The following BNC2 variants were observed in gnomAD, a reference collection of about 807,000 sequenced individuals.
BNC2 encodes the protein basonuclin zinc finger protein 2, also known as zinc finger protein basonuclin-2.
Under a neutral mutation model 76.3 loss-of-function variants are expected in BNC2, and 20 were observed. That is an observed-to-expected ratio of 0.26 (90% CI 0.18 to 0.38). The LOEUF (loss-of-function observed/expected upper bound fraction) is 0.38. Ranked by LOEUF, BNC2 falls within the 10% of genes least tolerant of loss-of-function variation. The pLI is 1.00. For synonymous variants in BNC2, 582 were observed against 514.8 expected (o/e 1.13, Z -1.77); for missense variants, 1,382 against 1,399.8 (o/e 0.99, Z 0.20).
At chr9:16,622,008 T>C (rs1413143796) in intron 3 of BNC2, among the ~76,000 whole-genome samples, 1 of 152,152 alleles carries the variant, frequency 6.6e-6, no homozygotes, top group Non-Finnish European at 1.5e-5. Flanking sequence ...ATTATTTCTA[T>C]TGCACAGTAC....
chr9:16,806,659 G>A (rs1192262957), intron 1 of BNC2, among the ~76,000 whole-genome samples: 2 of 152,184 alleles, frequency 1.3e-5, no homozygotes, highest in African/African-American at 4.8e-5. Context: ...TAACATCTCT[G>A]CTTAAGTAAC....
At chr9:16,735,059 C>A (rs1824624283) in intron 2 of BNC2, among the ~76,000 whole-genome samples, 1 of 152,058 alleles carries the variant, frequency 6.6e-6, no homozygotes, top group Non-Finnish European at 1.5e-5. Flanking sequence ...TATCCAAAAG[C>A]CATAATCCCT....
At chr9:16,836,793 TCAAAA>T (rs1818718009) in intron 1 of BNC2, among the ~76,000 whole-genome samples, 1 of 151,524 alleles carries the variant, frequency 6.6e-6, no homozygotes, top group African/African-American at 2.4e-5. Context: ...AGAACCAACC[TCAAAA>T]AAATAAAAAA....
At chr9:16,581,865 A>AT (rs1159538531) in intron 4 of BNC2, among the ~76,000 whole-genome samples, 21 of 152,146 alleles carry the variant, frequency 1.4e-4, no homozygotes, top group Admixed American at 1.2e-3. Flanking sequence ...GGACTGCAGG[A>AT]TTGTGGCTGC....
At chr9:16,499,839 A>T (rs1279417009) in intron 5 of BNC2, among the ~76,000 whole-genome samples, 1 of 151,884 alleles carries the variant, frequency 6.6e-6, no homozygotes, top group South Asian at 2.1e-4. Context: ...CCCTCCCTAA[A>T]TATCTTAAAT....
At chr9:16,678,648 C>CTTTTT (rs79994792) in intron 3 of BNC2, among the ~76,000 whole-genome samples, 5 of 135,158 alleles carry the variant, frequency 3.7e-5, no homozygotes, top group African/African-American at 1.4e-4. Flanking sequence ...GTAACAGTCT[C>CTTTTT]TTTTTTTTTT....
At chr9:16,691,648 T>C (rs1412828001) in intron 3 of BNC2, among the ~76,000 whole-genome samples, 1 of 151,524 alleles carries the variant, frequency 6.6e-6, no homozygotes, top group Non-Finnish European at 1.5e-5. Flanking sequence ...TAGCTGGGAC[T>C]ACAAGCACCC....
chr9:16,751,969 C>T (rs1825228477), intron 1 of BNC2, among the ~76,000 whole-genome samples: 1 of 151,994 alleles, frequency 6.6e-6, no homozygotes, highest in African/African-American at 2.4e-5. Flanking sequence ...GCAGAGGTTG[C>T]AGTGAGCCCA....
Position 16,417,108 on chromosome 9 carries a change from CTTGT to C in BNC2, c.*1877_*1880del, listed in dbSNP as rs935568259. ...TTGTGTACTGTTTGACAAAATATTC[CTTGT>C]TTATCTCTTCTTTTCCCCTCCACTT... is the stretch of plus-strand genomic sequence containing the variant. On this transcript the variant is annotated 3_prime_UTR_variant, in exon 7 of 7. Coordinates refer to ENST00000380672, the MANE Select transcript of BNC2 (RefSeq NM_017637.6). The C allele has an allele frequency of 1.8e-4, 27 of 151,952 alleles. No homozygotes were observed. Among genetic ancestry groups the C allele is most frequent in the Admixed American group, 1.2e-3 (18 of 15,228 alleles). 9.4% of individuals were successfully genotyped at this position (151,952 alleles called of 1,614,324 possible). A position where few individuals can be genotyped will look rare whatever the true frequency, so the allele number is the denominator to read the frequency against.
At chr9:16,481,992 T>C (rs938818810) in intron 5 of BNC2, among the ~76,000 whole-genome samples, 5 of 152,210 alleles carry the variant, frequency 3.3e-5, no homozygotes, top group African/African-American at 9.6e-5. Flanking sequence ...CTCCAAAGTA[T>C]GTGTAATAAA....
intron 3 of BNC2, among the ~76,000 whole-genome samples, chr9:16,692,539 A>G (rs1244764163): frequency 1.3e-5 from 2 of 152,162 alleles, no homozygotes; most frequent in Non-Finnish European, 2.9e-5. Context: ...GGTACACAGT[A>G]TATCTGTAAA....
chr9:16,851,689 A>C (rs1346437053), intron 1 of BNC2, among the ~76,000 whole-genome samples: 1 of 152,182 alleles, frequency 6.6e-6, no homozygotes, highest in Non-Finnish European at 1.5e-5. Context: ...TTAAAAACTT[A>C]AGTCACAGAT....
At chr9:16,664,349 T>G (rs945284166) in intron 3 of BNC2, among the ~76,000 whole-genome samples, 4 of 152,188 alleles carry the variant, frequency 2.6e-5, no homozygotes, top group African/African-American at 9.7e-5. Context: ...TTGCCCAGAA[T>G]GTCTGACTCT....
In BNC2 at chr9:16,703,111, C is replaced by G. The variant is rs1012362514; in HGVS notation, c.330+24686G>C. The stretch of plus-strand genomic sequence containing the variant: ...ACTGGAGTAATTCCACTCTTCCCCT[C>G]TTGGATTATGAAAGGAAACTTTTAA... On this transcript the variant is annotated intron_variant, in intron 3 of 6. Coordinates refer to ENST00000380672, the MANE Select transcript of BNC2 (RefSeq NM_017637.6). Among the ~76,000 whole-genome samples the G allele has an allele frequency of 3.9e-5, 6 of 152,142 alleles. 1 individual carries two copies. Among genetic ancestry groups the G allele is most frequent in the Non-Finnish European group, 7.3e-5 (5 of 68,030 alleles).
In BNC2 at chr9:16,419,382, C is replaced by T; in HGVS notation, c.2907G>A (p.Gln969=). The change falls in exon 7 of 7, where the codon CAG becomes CAA. Residue 969 remains glutamine (Q), a synonymous_variant. Coordinates refer to ENST00000380672, the MANE Select transcript of BNC2 (RefSeq NM_017637.6). Reference sequence around the variant, plus strand: ...TGGAGGAATGGATACTGCTGCTGGACTGGAGGCTGGAGGTGGTGCTCAAGT... The same window carrying T: ...TGGAGGAATGGATACTGCTGCTGGATTGGAGGCTGGAGGTGGTGCTCAAGT... ...VLDLSTTSSL[Q]SSSSIHSSRE... 5 of 1,601,748 alleles carry T rather than the reference C, an allele frequency of 3.1e-6. No homozygotes were observed. Among genetic ancestry groups the T allele is most frequent in the Non-Finnish European group, 4.3e-6 (5 of 1,173,436 alleles).
intron 3 of BNC2, among the ~76,000 whole-genome samples, chr9:16,600,741 C>T (rs921545479): frequency 4.6e-5 from 7 of 151,880 alleles, no homozygotes; most frequent in African/African-American, 1.2e-4. Flanking sequence ...CGGCGGGTGG[C>T]GAGAGTCTTC....
chr9:16,663,128 C>CTTTTTTTTTTTTTTTTTTT (rs1220327938), intron 3 of BNC2, among the ~76,000 whole-genome samples: 9 of 51,692 alleles, frequency 1.7e-4, no homozygotes, highest in African/African-American at 6.2e-4. Context: ...ACTCTGTTTA[C>CTTTTTTTTTTTTTTTTTTT]TCTTTTTTTT....
chr9:16,625,966 CT>C, intron 3 of BNC2: 1 of 152,294 alleles, frequency 6.6e-6, no homozygotes, highest in Admixed American at 6.5e-5. Flanking sequence ...ATACAGCCAA[CT>C]GGAATCATTT....
intron 6 of BNC2, among the ~76,000 whole-genome samples, chr9:16,425,925 C>T (rs185500050): frequency 9.2e-5 from 14 of 152,308 alleles, no homozygotes; most frequent in Admixed American, 1.3e-4. Context: ...AGCCCCATTC[C>T]CTAACCATTT....
Sources: allele counts gnomAD v4.1 joint callset (sites outside exome capture counted in the v4.1 genomes callset), GRCh38; gene constraint gnomAD v4.1.1; transcripts MANE v1.5; gene names NCBI Gene and HGNC (gene_info 2026-07-23, HGNC 2026-07-21).